Variants in EXOC1L observed in about 807,000 individuals in gnomAD.
EXOC1L encodes the protein exocyst complex component 1 like, also known as exocyst complex component 1-like.
A neutral mutation model predicts 4.9 loss-of-function variants in EXOC1L; 10 were observed. The observed-to-expected ratio is 2.02, with a 90% CI of 1.25 to 3.43. The LOEUF is 3.43. EXOC1L is among the 30% of genes most tolerant of loss of function. The pLI is 0.00. For synonymous variants in EXOC1L, 41 were observed against 20.8 expected (o/e 1.97, Z -2.63); for missense variants, 114 against 59.4 (o/e 1.92, Z -3.02).
intron 1 of EXOC1L, among the ~76,000 whole-genome samples, chr4:55,827,902 C>T (rs891009137): frequency 6.6e-6 from 1 of 151,758 alleles, no homozygotes; most frequent in African/African-American, 2.4e-5. Context: ...TTAATCCTTT[C>T]GTCTTCCCAA....
chr4:55,829,877 C>T (rs1198692686), intron 1 of EXOC1L, among the ~76,000 whole-genome samples: 1 of 152,182 alleles, frequency 6.6e-6, no homozygotes, highest in Admixed American at 6.5e-5. Context: ...AATCCAGAGT[C>T]TTTCAAAACA....
Position 55,826,174 on chromosome 4 carries a change from G to T in EXOC1L, c.122-5160G>T, listed in dbSNP as rs1399203193. Reference sequence around the variant, plus strand: ...TAGTCTTCTCAGTGACCCAAGACAGGACCATATATGTTGTAACATTTCACT... The same window carrying T: ...TAGTCTTCTCAGTGACCCAAGACAGTACCATATATGTTGTAACATTTCACT... On this transcript the variant is annotated intron_variant, in intron 1 of 2. Coordinates refer to ENST00000636125, the MANE Select transcript of EXOC1L (RefSeq NM_001351574.3). 5.3e-5 allele frequency among the ~76,000 whole-genome samples: 8 copies of T among 152,014 alleles called. No homozygotes were observed. In the East Asian group the frequency reaches 1.4e-3, roughly 26 times the overall value.
At chr4:55,828,104 A>C (rs186199747) in intron 1 of EXOC1L, among the ~76,000 whole-genome samples, 1 of 151,930 alleles carries the variant, frequency 6.6e-6, no homozygotes, top group Non-Finnish European at 1.5e-5. Context: ...CTGCCTCCAA[A>C]ACGTATAATC....
At chr4:55,831,526 A>T (rs1720032171) in intron 2 of EXOC1L, 62 bp downstream of exon 2, 2 of 608,940 alleles carry the variant, frequency 3.3e-6, no homozygotes, top group African/African-American at 3.8e-5. Flanking sequence ...TATGTTCAAT[A>T]TCCTGCTTCA....
At chr4:55,828,472 T>G (rs1577665523) in intron 1 of EXOC1L, among the ~76,000 whole-genome samples, 1 of 152,186 alleles carries the variant, frequency 6.6e-6, no homozygotes, top group Non-Finnish European at 1.5e-5. Flanking sequence ...TTCTCAGACG[T>G]CTTTCCTGGC....
At chr4:55,823,714 CGTTTGTTTGTTT>C (rs1719804764) in intron 1 of EXOC1L, among the ~76,000 whole-genome samples, 1 of 72,348 alleles carries the variant, frequency 1.4e-5, no homozygotes, top group Non-Finnish European at 3.7e-5. Context: ...TTTGTTTGTT[CGTTTGTTTGTTT>C]GAGACGGAGT....
chr4:55,830,113 T>C (rs1719987117), intron 1 of EXOC1L, among the ~76,000 whole-genome samples: 1 of 152,234 alleles, frequency 6.6e-6, no homozygotes, highest in South Asian at 2.1e-4. Flanking sequence ...CTGCCTTAAC[T>C]ACTCCGATCC....
At chr4:55,833,382 A>G (rs11737468) in intron 2 of EXOC1L, among the ~76,000 whole-genome samples, 8,142 of 151,976 alleles carry the variant, frequency 0.054, 322 homozygotes, top group Non-Finnish European at 0.083. Context: ...ATGTCAGTAT[A>G]TGTATATATG....
chr4:55,821,841 T>C (rs1471424872), intron 1 of EXOC1L, among the ~76,000 whole-genome samples: 2 of 152,250 alleles, frequency 1.3e-5, no homozygotes, highest in African/African-American at 4.8e-5. Context: ...CATCACATCA[T>C]CAATTTGAGA....
intron 2 of EXOC1L, among the ~76,000 whole-genome samples, chr4:55,834,907 T>C (rs1432703334): frequency 6.6e-6 from 1 of 151,916 alleles, no homozygotes; most frequent in Non-Finnish European, 1.5e-5. Flanking sequence ...TGGTGATTTC[T>C]GAGATTTTGA....
chr4:55,836,110 G>A (rs1481320001), intron 2 of EXOC1L, among the ~76,000 whole-genome samples: 1 of 151,772 alleles, frequency 6.6e-6, no homozygotes, highest in Non-Finnish European at 1.5e-5. Context: ...AAAACAAATT[G>A]CAAATATGTA....
At chr4:55,826,256 G>A (rs1719881742) in intron 1 of EXOC1L, among the ~76,000 whole-genome samples, 1 of 152,024 alleles carries the variant, frequency 6.6e-6, no homozygotes. Context: ...TAACTTAAAT[G>A]ATGAAAACAA....
At chr4:55,824,059 T>C (rs1248924029) in intron 1 of EXOC1L, among the ~76,000 whole-genome samples, 1 of 152,048 alleles carries the variant, frequency 6.6e-6, no homozygotes, top group East Asian at 1.9e-4. Flanking sequence ...AAAAATAAAA[T>C]ACATATATCA....
intron 1 of EXOC1L, among the ~76,000 whole-genome samples, chr4:55,828,761 T>C (rs1204245673): frequency 6.6e-6 from 1 of 152,182 alleles, no homozygotes; most frequent in Admixed American, 6.5e-5. Flanking sequence ...GAAGTATGCT[T>C]GAGCCCAGGA....
At chr4:55,836,680 C>T (rs1481312118) in intron 2 of EXOC1L, among the ~76,000 whole-genome samples, 2 of 151,920 alleles carry the variant, frequency 1.3e-5, no homozygotes, top group Admixed American at 6.6e-5. Flanking sequence ...CTTCCTTCTA[C>T]CTTGAAATAG....
At position 55,819,938 on chromosome 4, in the gene EXOC1L, C is replaced by G. The variant is rs1296069393; in HGVS notation, c.-89C>G. 2.5e-5 allele frequency: 10 copies of G among 395,026 alleles called. No homozygotes were observed. The highest frequency in any genetic ancestry group is 4.5e-5 in the Non-Finnish European group (10 of 224,052). The allele number at this position is 395,026 out of a possible 1,614,324, so 24.5% of individuals were successfully genotyped here. A position where few individuals can be genotyped will look rare whatever the true frequency, so the allele number is the denominator to read the frequency against. The stretch of plus-strand genomic sequence containing the variant: ...GAGGTGGGCAGGACTCACCAAGGAG[C>G]TGCAAACCCAAACGAGAAATCTAGG... On this transcript the variant is annotated 5_prime_UTR_variant, in exon 1 of 3. Coordinates refer to ENST00000636125, the MANE Select transcript of EXOC1L (RefSeq NM_001351574.3).
intron 1 of EXOC1L, among the ~76,000 whole-genome samples, chr4:55,827,544 C>A (rs115327316): frequency 6.6e-6 from 1 of 152,174 alleles, no homozygotes; most frequent in Non-Finnish European, 1.5e-5. Flanking sequence ...TAACACAGTG[C>A]TTGGTACAAA....
intron 1 of EXOC1L, among the ~76,000 whole-genome samples, chr4:55,824,273 T>TCA (rs747727307): frequency 0.088 from 12,975 of 147,118 alleles, 619 homozygotes; most frequent in African/African-American, 0.12. Flanking sequence ...TCTCTCTCTC[T>TCA]CACACACACA....
intron 1 of EXOC1L, among the ~76,000 whole-genome samples, chr4:55,825,519 A>AT (rs1164422137): frequency 6.6e-6 from 1 of 152,186 alleles, no homozygotes; most frequent in African/African-American, 2.4e-5. Flanking sequence ...ACTATGCAAT[A>AT]TTACTTTTAG....
Sources: gnomAD v4.1 joint callset for allele counts (sites outside exome capture counted in the v4.1 genomes callset) on GRCh38, gnomAD v4.1.1 for gene constraint, MANE v1.5 for transcripts, NCBI Gene and HGNC (gene_info 2026-07-23, HGNC 2026-07-21) for gene names.